Variants in ABI2 observed in about 807,000 individuals in gnomAD.
ABI2 encodes abelson interactor 2.
In ABI2, 25 loss-of-function variants were observed where a neutral mutation model predicts 59.2. The observed-to-expected ratio is 0.42, with a 90% CI of 0.31 to 0.59. The LOEUF (loss-of-function observed/expected upper bound fraction) is 0.59. Ranked by LOEUF, ABI2 falls within the 20% of genes least tolerant of loss-of-function variation. The pLI is 0.14. For synonymous variants in ABI2, 213 were observed against 235.5 expected, an observed-to-expected ratio of 0.90 and a Z score of 0.87; for missense variants, 545 against 681.8, an observed-to-expected ratio of 0.80 and a Z score of 2.23.
intron 5 of ABI2, among the ~76,000 whole-genome samples, chr2:203,392,138 T>C (rs2096765917): frequency 6.6e-6 from 1 of 152,180 alleles, no homozygotes; most frequent in Non-Finnish European, 1.5e-5. Flanking sequence ...TTTTTCAAGG[T>C]CACTGTACCA....
chr2:203,411,496 T>A, intron 10 of ABI2, 125 bp downstream of exon 10: 1 of 763,320 alleles, frequency 1.3e-6, no homozygotes, highest in Non-Finnish European at 2.1e-6. Flanking sequence ...AACAAATCAC[T>A]GTCTGGCTAG....
chr2:203,394,549 CATTA>C, intron 5 of ABI2, 147 bp from the exon 6 acceptor site: 1 of 685,296 alleles, frequency 1.5e-6, no homozygotes, highest in South Asian at 1.9e-5. Flanking sequence ...AGAAGTGATA[CATTA>C]GTAAAGACTG....
intron 6 of ABI2, among the ~76,000 whole-genome samples, chr2:203,395,347 A>C (rs1271044442): frequency 1.3e-5 from 2 of 151,146 alleles, no homozygotes; most frequent in African/African-American, 4.9e-5. Context: ...AACATTTATC[A>C]CTTGTATTTA....
At chr2:203,360,342 T>A (rs985669854) in intron 1 of ABI2, among the ~76,000 whole-genome samples, 2 of 152,138 alleles carry the variant, frequency 1.3e-5, no homozygotes, top group Non-Finnish European at 2.9e-5. Flanking sequence ...TGATAAAGGT[T>A]CTTATTGGTA....
chr2:203,348,220 G>A (rs1292560852), intron 1 of ABI2, among the ~76,000 whole-genome samples: 1 of 152,124 alleles, frequency 6.6e-6, no homozygotes, highest in Non-Finnish European at 1.5e-5. Flanking sequence ...TAGCCTGGGG[G>A]ACAGAGCGAA....
chr2:203,397,822 T>C (rs899270814), intron 8 of ABI2, among the ~76,000 whole-genome samples: 2 of 151,874 alleles, frequency 1.3e-5, no homozygotes, highest in African/African-American at 2.4e-5. Flanking sequence ...GTGGCCAGAG[T>C]AGGAGCAAGA....
chr2:203,394,769 C>T lies in ABI2; in HGVS notation c.648C>T (p.Ser216=). Residue 216 remains serine (S), a synonymous_variant, in exon 6 of 12, where the codon AGC becomes AGT. Transcript: ENST00000261018. ...TGGTACCAAATGATTACGTACCTAG[C>T]CCAACCCGTAATATGGCTCCCTCGC... ...PPVVPNDYVP[S]PTRNMAPSQQ... is the part of the protein sequence containing the mutation. The T allele has an allele frequency of 6.2e-7, 1 of 1,614,118 alleles. No individual in the cohort carries two copies. Among genetic ancestry groups the T allele is most frequent in the Non-Finnish European group, 8.5e-7 (1 of 1,179,994 alleles).
At chr2:203,365,198 G>T in intron 1 of ABI2, among the ~76,000 whole-genome samples, 1 of 151,680 alleles carries the variant, frequency 6.6e-6, no homozygotes, top group African/African-American at 2.4e-5. Flanking sequence ...ACTTTTTTTT[G>T]TGCTTGTATT....
intron 1 of ABI2, among the ~76,000 whole-genome samples, chr2:203,330,938 C>T (rs895701235): frequency 1.3e-5 from 2 of 151,994 alleles, no homozygotes; most frequent in African/African-American, 4.8e-5. Flanking sequence ...AAGAGAAAAA[C>T]GTTACTACTA....
Position 203,427,427 on chromosome 2 carries a change from A to C in ABI2, c.*75A>C. Reference sequence around the variant, plus strand: ...ATTATCTGAAGGCCCTGGGGATTCCACTCCAGTAAAGTAGAATGAAGGATA... The same window carrying C: ...ATTATCTGAAGGCCCTGGGGATTCCCCTCCAGTAAAGTAGAATGAAGGATA... On this transcript the variant is annotated 3_prime_UTR_variant, in exon 12 of 12. Transcript: ENST00000261018. 3.0e-6 allele frequency: 4 copies of C among 1,314,442 alleles called. No individual in the cohort carries two copies. Among genetic ancestry groups the C allele is most frequent in the Non-Finnish European group, 4.2e-6 (4 of 956,828 alleles). The allele number at this position is 1,314,442 out of a possible 1,614,324, so 81.4% of individuals were successfully genotyped here.
rs75654136 is a variant in ABI2 at position 203,392,275 on chromosome 2, TCAC to T, written c.578+1171_578+1173del. Among the ~76,000 whole-genome samples the T allele has an allele frequency of 9.4e-3, 1,196 of 127,356 alleles. 13 individuals carry two copies. Among genetic ancestry groups the T allele is most frequent in the East Asian group, 0.014 (56 of 4,136 alleles). The allele number at this position is 127,356 out of a possible 152,430, so 83.6% of individuals were successfully genotyped here. A position where few individuals can be genotyped will look rare whatever the true frequency, so the allele number is the denominator to read the frequency against. On this transcript the variant is annotated intron_variant, in intron 5 of 11. Transcript: ENST00000261018. ...TTTGGCTTCCTCAGCACCACCACCATCACCACCACCACCACCACCACCACCACC... is the reference window on the plus strand; with the variant it reads ...TTTGGCTTCCTCAGCACCACCACCATCACCACCACCACCACCACCACCACC...
At chr2:203,371,685 C>T (rs2095217628) in intron 2 of ABI2, among the ~76,000 whole-genome samples, 1 of 151,944 alleles carries the variant, frequency 6.6e-6, no homozygotes, top group South Asian at 2.1e-4. Context: ...TTAAATATTT[C>T]CCCTAAATAT....
chr2:203,374,428 AG>A (rs1270391148), intron 2 of ABI2, among the ~76,000 whole-genome samples: 2 of 143,946 alleles, frequency 1.4e-5, no homozygotes, highest in Non-Finnish European at 3.0e-5. Context: ...TGAACCTGGG[AG>A]CGGAGGTTGC....
intron 10 of ABI2, among the ~76,000 whole-genome samples, chr2:203,415,725 T>TGG (rs1235589319): frequency 6.6e-6 from 1 of 152,030 alleles, no homozygotes; most frequent in Non-Finnish European, 1.5e-5. Flanking sequence ...GGAACTATAC[T>TGG]GGTACCTCAT....
At chr2:203,348,212 G>A (rs1306794494) in intron 1 of ABI2, among the ~76,000 whole-genome samples, 3 of 152,176 alleles carry the variant, frequency 2.0e-5, no homozygotes, top group Non-Finnish European at 4.4e-5. Flanking sequence ...CTGCACTGTA[G>A]CCTGGGGGAC....
chr2:203,328,927 T>G, intron 1 of ABI2: 2 of 251,992 alleles, frequency 7.9e-6, no homozygotes, highest in Non-Finnish European at 7.5e-6. Flanking sequence ...CCGGTCAGCG[T>G]TCCGGATGGC....
At chr2:203,331,680 T>A (rs1273155857) in intron 1 of ABI2, among the ~76,000 whole-genome samples, 1 of 151,096 alleles carries the variant, frequency 6.6e-6, no homozygotes, top group East Asian at 2.0e-4. Flanking sequence ...TATTATAGCA[T>A]CATGTCTTAG....
chr2:203,359,716 A>T (rs1271442121), intron 1 of ABI2, among the ~76,000 whole-genome samples: 1 of 152,132 alleles, frequency 6.6e-6, no homozygotes, highest in Non-Finnish European at 1.5e-5. Flanking sequence ...AGAAGGGACA[A>T]ACAAGCTCCC....
At chr2:203,337,823 G>T (rs2077150443) in intron 1 of ABI2, among the ~76,000 whole-genome samples, 2 of 152,134 alleles carry the variant, frequency 1.3e-5, no homozygotes, top group African/African-American at 4.8e-5. Context: ...CTGAGGTCAG[G>T]AGTTCAAGAC....
Sources: gnomAD v4.1 joint callset for allele counts (sites outside exome capture counted in the v4.1 genomes callset) on GRCh38, gnomAD v4.1.1 for gene constraint, MANE v1.5 for transcripts, NCBI Gene and HGNC (gene_info 2026-07-23, HGNC 2026-07-21) for gene names.